Variants in HDAC9 observed in about 807,000 individuals in gnomAD.
The protein encoded by HDAC9 is histone deacetylase 9, also known as MEF-2 interacting transcription repressor (MITR) protein.
A neutral mutation model predicts 139.4 loss-of-function variants in HDAC9; 41 were observed. The observed-to-expected ratio is 0.29, with a 90% CI of 0.23 to 0.38. The LOEUF (loss-of-function observed/expected upper bound fraction) is 0.38. Among genes scored for constraint, HDAC9 ranks in the 10% least tolerant of loss-of-function variants. The pLI is 1.00. For missense variants in HDAC9, 1,147 were observed against 1,297.0 expected (o/e 0.88, Z 1.78); for synonymous variants, 517 against 476.2 (o/e 1.09, Z -1.12).
At chr7:18,827,625 G>T (rs1795552514) in intron 17 of HDAC9, among the ~76,000 whole-genome samples, 1 of 152,032 alleles carries the variant, frequency 6.6e-6, no homozygotes, top group African/African-American at 2.4e-5. Flanking sequence ...TGGTTACTGG[G>T]TGTTTTCTTC....
intron 22 of HDAC9, among the ~76,000 whole-genome samples, chr7:18,909,906 GT>G (rs935129766): frequency 1.3e-5 from 2 of 151,230 alleles, no homozygotes; most frequent in South Asian, 2.1e-4. Context: ...TTTAGCTTTC[GT>G]TTTTTTTGTG....
chr7:18,617,411 A>G (rs1838941760), intron 6 of HDAC9, among the ~76,000 whole-genome samples: 1 of 152,164 alleles, frequency 6.6e-6, no homozygotes, highest in African/African-American at 2.4e-5. Flanking sequence ...TTGAAATTCC[A>G]TGAACAAATC....
At chr7:18,557,563 T>C (rs1258081285) in intron 2 of HDAC9, among the ~76,000 whole-genome samples, 1 of 150,824 alleles carries the variant, frequency 6.6e-6, no homozygotes, top group Non-Finnish European at 1.5e-5. Flanking sequence ...TTACTAGGGA[T>C]TTCTACTAGT....
rs572336211 is a variant in HDAC9, at chr7:18,910,671, G to A, written c.2804-25138G>A. Among the ~76,000 whole-genome samples, 3 of 151,872 alleles carry A rather than the reference G, an allele frequency of 2.0e-5. No individual in the cohort carries two copies. The South Asian group carries it at 6.2e-4, about 31-fold the overall frequency. ...TTCAGTATAGTATTCATCACAGTTG[G>A]CTGCGGGTTCAAATGCTCTTTCTGT... is the stretch of plus-strand genomic sequence containing the variant. On this transcript the variant is annotated intron_variant, in intron 22 of 25. Transcript: ENST00000686413.
intron 2 of HDAC9, among the ~76,000 whole-genome samples, chr7:18,539,783 G>A (rs1812144402): frequency 1.3e-5 from 2 of 151,804 alleles, no homozygotes; most frequent in African/African-American, 2.4e-5. Context: ...AGATTTTAGG[G>A]GTGATGAGGC....
chr7:18,126,705 G>T (rs1358590504), intron 1 of HDAC9, among the ~76,000 whole-genome samples: 1 of 152,122 alleles, frequency 6.6e-6, no homozygotes, highest in Non-Finnish European at 1.5e-5. Context: ...GCCACAGAAA[G>T]TCCAATCATT....
chr7:18,733,102 TATAC>T (rs1562894490), intron 13 of HDAC9, among the ~76,000 whole-genome samples: 2 of 145,586 alleles, frequency 1.4e-5, no homozygotes, highest in South Asian at 2.1e-4. Context: ...CATGTGTATA[TATAC>T]ATATATATGT....
At chr7:18,547,379 G>T (rs995645199) in intron 2 of HDAC9, among the ~76,000 whole-genome samples, 3 of 152,174 alleles carry the variant, frequency 2.0e-5, no homozygotes, top group African/African-American at 7.2e-5. Context: ...GGGACTACAG[G>T]CACCTGCAAC....
At chr7:18,096,957 A>G (rs565286690) in intron 1 of HDAC9, among the ~76,000 whole-genome samples, 35 of 151,658 alleles carry the variant, frequency 2.3e-4, no homozygotes, top group Non-Finnish European at 4.6e-4. Context: ...TCTTATGTAC[A>G]GGGCACTTCT....
intron 11 of HDAC9, among the ~76,000 whole-genome samples, chr7:18,656,628 A>G (rs1791279854): frequency 6.6e-6 from 1 of 152,156 alleles, no homozygotes; most frequent in Non-Finnish European, 1.5e-5. Context: ...TACAGTGAGG[A>G]TTACATGAGA....
intron 16 of HDAC9, among the ~76,000 whole-genome samples, chr7:18,790,025 G>A (rs80099160): frequency 0.018 from 2,771 of 152,194 alleles, 81 homozygotes; most frequent in African/African-American, 0.063. Flanking sequence ...GGATATGGAT[G>A]TTCTTCTAGT....
At chr7:18,810,531 T>A (rs1254322501) in intron 17 of HDAC9, among the ~76,000 whole-genome samples, 1 of 151,942 alleles carries the variant, frequency 6.6e-6, no homozygotes, top group East Asian at 1.9e-4. Flanking sequence ...CATTTATTTT[T>A]AAATTACAGT....
At chr7:18,104,582 A>G (rs1048409610) in intron 1 of HDAC9, among the ~76,000 whole-genome samples, 1 of 152,146 alleles carries the variant, frequency 6.6e-6, no homozygotes, top group Non-Finnish European at 1.5e-5. Flanking sequence ...TTCAGTTCCC[A>G]GTGTGAAAAG....
intron 2 of HDAC9, among the ~76,000 whole-genome samples, chr7:18,168,582 G>C (rs1333155749): frequency 1.3e-5 from 2 of 152,018 alleles, no homozygotes; most frequent in East Asian, 3.9e-4. Flanking sequence ...GTGTGTGTGT[G>C]TGTACGTGTG....
chr7:18,737,537 T>C (rs549804754), intron 13 of HDAC9, among the ~76,000 whole-genome samples: 2 of 151,836 alleles, frequency 1.3e-5, no homozygotes, highest in African/African-American at 4.8e-5. Context: ...CATGTAGTTG[T>C]CCAGTTTTGA....
intron 2 of HDAC9, among the ~76,000 whole-genome samples, chr7:18,559,401 C>G (rs879906079): frequency 1.3e-5 from 2 of 152,104 alleles, no homozygotes; most frequent in African/African-American, 2.4e-5. Flanking sequence ...AGAAACCAAT[C>G]GATCGTATCT....
intron 2 of HDAC9, among the ~76,000 whole-genome samples, chr7:18,266,656 C>G (rs1377367371): frequency 6.6e-6 from 1 of 151,838 alleles, no homozygotes; most frequent in East Asian, 1.9e-4. Context: ...AGGTTTTTTC[C>G]TAAAGGTGGG....
chr7:18,902,840 T>A (rs1801856842), intron 22 of HDAC9, among the ~76,000 whole-genome samples: 2 of 152,348 alleles, frequency 1.3e-5, no homozygotes, highest in South Asian at 4.1e-4. Flanking sequence ...ATGTCTCTAG[T>A]TTACATGTAC....
At position 18,692,848 on chromosome 7, in the gene HDAC9, C is replaced by G. The variant is rs1782767634; in HGVS notation, c.1731+26372C>G. On this transcript the variant is annotated intron_variant, in intron 12 of 25. Transcript: ENST00000686413. ...CTGGTAAATAATGATTTGTTTTGTC[C>G]TGTTATTTTTTTGTGGAAAGAAAAA... is the stretch of plus-strand genomic sequence containing the variant. 2.6e-5 allele frequency among the ~76,000 whole-genome samples: 4 copies of G among 151,948 alleles called. No individual in the cohort carries two copies. In the South Asian group the frequency reaches 8.3e-4, roughly 32 times the overall value.
Sources: gnomAD v4.1 joint callset for allele counts (sites outside exome capture counted in the v4.1 genomes callset) on GRCh38, gnomAD v4.1.1 for gene constraint, MANE v1.5 for transcripts, NCBI Gene and HGNC (gene_info 2026-07-23, HGNC 2026-07-21) for gene names.